ASPH: variants seen among roughly 807,000 people sequenced by gnomAD.
The protein encoded by ASPH is aspartyl/asparaginyl beta-hydroxylase.
ASPH carries 100 observed loss-of-function variants against 118.4 expected under a neutral mutation model. The ratio of observed to expected loss-of-function variants is 0.84; its 90% confidence interval spans 0.72 to 1.00. ASPH has a LOEUF of 1.00. Among genes scored for constraint, ASPH ranks in the 50% least tolerant of loss-of-function variants. The pLI is 0.00. For synonymous variants in ASPH, 315 were observed against 325.6 expected (o/e 0.97, Z 0.35); for missense variants, 920 against 919.5 (o/e 1.00, Z -0.01).
intron 15 of ASPH, among the ~76,000 whole-genome samples, chr8:61,577,963 C>T (rs1835916773): frequency 6.6e-6 from 1 of 152,168 alleles, no homozygotes; most frequent in African/African-American, 2.4e-5. Context: ...TTACAACAGT[C>T]CCACAAAAGT....
At chr8:61,658,108 G>C (rs1022716520) in intron 3 of ASPH, 2 of 152,118 alleles carry the variant, frequency 1.3e-5, no homozygotes, top group Non-Finnish European at 2.9e-5. Context: ...CAATACACCA[G>C]AAAGGCATGC....
chr8:61,584,635 CTTTCTTTCTTTCTTTCTT>C (rs1563919036), intron 14 of ASPH, among the ~76,000 whole-genome samples: 2 of 34,564 alleles, frequency 5.8e-5, no homozygotes, highest in Non-Finnish European at 1.3e-4. Flanking sequence ...TTCTTTCCTT[CTTTCTTTCTTTCTTTCTT>C]TTTCTTTCTT....
chr8:61,548,994 C>A (rs1487948785), intron 20 of ASPH, among the ~76,000 whole-genome samples: 1 of 152,116 alleles, frequency 6.6e-6, no homozygotes, highest in Non-Finnish European at 1.5e-5. Flanking sequence ...AGGAGCCCTG[C>A]CCACTTCCTG....
intron 1 of ASPH, among the ~76,000 whole-genome samples, chr8:61,695,800 A>G (rs1833796672): frequency 6.6e-6 from 1 of 152,218 alleles, no homozygotes; most frequent in Non-Finnish European, 1.5e-5. Flanking sequence ...ATAAGTGGAT[A>G]CATTCCTTCC....
At position 61,557,304 on chromosome 8, in the gene ASPH, C is replaced by G. The variant is rs59071960; in HGVS notation, c.1438-1282G>C. ...CAAGGCCTCCCTTGGCTGGGCCTCT[C>G]CATTGCTCTGGCCTCCTCTCCTGCC... On this transcript the variant is annotated intron_variant, in intron 18 of 24. Transcript: ENST00000379454. Among the ~76,000 whole-genome samples, 1,331 of 151,978 alleles carry G rather than the reference C, an allele frequency of 8.8e-3. 21 individuals carry two copies. Among genetic ancestry groups the G allele is most frequent in the African/African-American group, 0.03 (1,232 of 41,422 alleles).
intron 14 of ASPH, among the ~76,000 whole-genome samples, chr8:61,617,074 G>A (rs761659934): frequency 1.1e-4 from 17 of 152,236 alleles, no homozygotes; most frequent in Non-Finnish European, 1.8e-4. Flanking sequence ...CAGACAACAT[G>A]TAGACAGCTG....
chr8:61,663,955 GT>G, intron 3 of ASPH: 1 of 874,766 alleles, frequency 1.1e-6, no homozygotes, highest in Non-Finnish European at 1.4e-6. Context: ...CAAAAATCTC[GT>G]TTTTAAGATC....
intron 24 of ASPH, among the ~76,000 whole-genome samples, chr8:61,505,981 A>G (rs1373995945): frequency 6.6e-6 from 1 of 152,232 alleles, no homozygotes; most frequent in Non-Finnish European, 1.5e-5. Context: ...TTTATGTAGA[A>G]GATGAGGGAG....
chr8:61,714,266 G>A lies in ASPH; in HGVS notation c.103+3C>T, dbSNP rs1838838056. ...CAGATCCCCGCCCCGCAGGGCCTCT[G>A]ACCTCTCCGGGCCCCGGGGCTGCTG... is the stretch of plus-strand genomic sequence containing the variant. On this transcript the variant is annotated splice_donor_region_variant and intron_variant, in intron 1 of 24. Transcript: ENST00000379454. The A allele has an allele frequency of 1.3e-6, 2 of 1,511,116 alleles. No individual in the cohort carries two copies. The highest frequency in any genetic ancestry group is 2.8e-5 in the East Asian group (1 of 36,144). The allele number at this position is 1,511,116 out of a possible 1,614,324, so 93.6% of individuals were successfully genotyped here. A position where few individuals can be genotyped will look rare whatever the true frequency, so the allele number is the denominator to read the frequency against.
intron 24 of ASPH, among the ~76,000 whole-genome samples, chr8:61,508,419 T>A (rs4738903): frequency 0.55 from 82,876 of 151,996 alleles, 26,007 homozygotes; most frequent in Non-Finnish European, 0.7. Context: ...CCATAATCTG[T>A]CAACTTCTCA....
chr8:61,601,084 A>C (rs1587920707), intron 14 of ASPH, among the ~76,000 whole-genome samples: 2 of 151,514 alleles, frequency 1.3e-5, no homozygotes, highest in East Asian at 3.9e-4. Context: ...ACAGAACTTT[A>C]AAATCCATGA....
At chr8:61,543,086 T>C (rs1462715928) in intron 21 of ASPH, among the ~76,000 whole-genome samples, 2 of 152,224 alleles carry the variant, frequency 1.3e-5, no homozygotes, top group Non-Finnish European at 2.9e-5. Context: ...TTTGGCAATT[T>C]GACTGTGATG....
chr8:61,560,606 TA>T (rs921491278), intron 18 of ASPH, among the ~76,000 whole-genome samples: 127 of 149,370 alleles, frequency 8.5e-4, no homozygotes, highest in African/African-American at 2.5e-3. Context: ...ATTCATGCTT[TA>T]AAAAAAAAAC....
intron 21 of ASPH, among the ~76,000 whole-genome samples, chr8:61,542,117 T>A (rs1466352361): frequency 6.6e-6 from 1 of 152,234 alleles, no homozygotes; most frequent in Non-Finnish European, 1.5e-5. Context: ...TAGTGTATAG[T>A]CTTTCCTGGT....
rs941580978 is a variant in ASPH, at chr8:61,517,399, T to C, written c.2126+129A>G. On this transcript the variant is annotated intron_variant, in intron 24 of 24. Transcript: ENST00000379454. ...AGGGATATAGACTTAAGAGTTTGGA[T>C]TAATATCACTTTGCTCCAGTCTACT... 3.7e-5 allele frequency: 50 copies of C among 1,335,176 alleles called. No homozygotes were observed. In the Admixed American group the frequency reaches 8.7e-4, roughly 23 times the overall value. 82.7% of individuals were successfully genotyped at this position (1,335,176 alleles called of 1,614,324 possible).
At chr8:61,674,869 G>A (rs188791210) in intron 3 of ASPH, among the ~76,000 whole-genome samples, 3 of 152,274 alleles carry the variant, frequency 2.0e-5, no homozygotes, top group Admixed American at 6.5e-5. Flanking sequence ...CAAATTTTTA[G>A]CTCTCTGACA....
intron 17 of ASPH, among the ~76,000 whole-genome samples, chr8:61,565,279 G>A (rs1049107695): frequency 2.6e-5 from 4 of 151,758 alleles, no homozygotes; most frequent in Admixed American, 6.6e-5. Flanking sequence ...AATCTTACCA[G>A]TAAATTTTTT....
At chr8:61,685,343 AG>A (rs1830031315) in intron 1 of ASPH, among the ~76,000 whole-genome samples, 1 of 152,204 alleles carries the variant, frequency 6.6e-6, no homozygotes, top group Admixed American at 6.5e-5. Context: ...GAGAACCAAC[AG>A]GAAGAAGGAC....
At chr8:61,520,442 A>G (rs1812519533) in intron 22 of ASPH, among the ~76,000 whole-genome samples, 1 of 152,250 alleles carries the variant, frequency 6.6e-6, no homozygotes, top group Non-Finnish European at 1.5e-5. Context: ...AGAATAAAAT[A>G]AGAGTTACAA....
Sources: gnomAD v4.1 joint callset for allele counts (sites outside exome capture counted in the v4.1 genomes callset) on GRCh38, gnomAD v4.1.1 for gene constraint, MANE v1.5 for transcripts, NCBI Gene and HGNC (gene_info 2026-07-23, HGNC 2026-07-21) for gene names.